The following CUX2 variants were observed in gnomAD, a reference collection of about 807,000 sequenced individuals.
CUX2 encodes the protein homeobox protein cut-like 2.
CUX2 carries 40 observed loss-of-function variants against 144.8 expected under a neutral mutation model. That is an observed-to-expected ratio of 0.28 (90% CI 0.21 to 0.36). CUX2 has a LOEUF of 0.36. CUX2 is among the 10% of genes least tolerant of loss of function. The probability of loss-of-function intolerance (pLI) is 1.00; values close to 1 mark genes in which losing one functional copy is unlikely to be tolerated. For missense variants in CUX2, 1,615 were observed against 1,994.0 expected (o/e 0.81, Z 3.62); for synonymous variants, 827 against 875.6 (o/e 0.94, Z 0.98).
At chr12:111,051,649 C>T (rs1870272185) in intron 1 of CUX2, among the ~76,000 whole-genome samples, 1 of 152,158 alleles carries the variant, frequency 6.6e-6, no homozygotes, top group African/African-American at 2.4e-5. Context: ...CTCCTATAGA[C>T]AACATATAGT....
At chr12:111,271,341 AT>A in intron 4 of CUX2, among the ~76,000 whole-genome samples, 1 of 152,302 alleles carries the variant, frequency 6.6e-6, no homozygotes, top group East Asian at 1.9e-4. Context: ...CTTTTCCGTG[AT>A]TTTTCCCTGT....
chr12:111,224,293 G>A (rs1416747929), intron 3 of CUX2, among the ~76,000 whole-genome samples: 3 of 151,972 alleles, frequency 2.0e-5, no homozygotes, highest in African/African-American at 7.3e-5. Context: ...GACCTTTCTA[G>A]TGGGTCACTT....
At chr12:111,147,028 G>A (rs899003492) in intron 1 of CUX2, among the ~76,000 whole-genome samples, 6 of 152,126 alleles carry the variant, frequency 3.9e-5, no homozygotes, top group African/African-American at 9.7e-5. Flanking sequence ...CCAGATAATC[G>A]GGAGGCTGAG....
At chr12:111,082,254 AG>A (rs1871935602) in intron 1 of CUX2, among the ~76,000 whole-genome samples, 1 of 152,192 alleles carries the variant, frequency 6.6e-6, no homozygotes, top group African/African-American at 2.4e-5. Context: ...TTCTTCATCC[AG>A]CAGAGATGAG....
intron 1 of CUX2, among the ~76,000 whole-genome samples, chr12:111,151,649 C>T (rs1022926825): frequency 3.3e-5 from 5 of 152,104 alleles, no homozygotes; most frequent in South Asian, 2.1e-4. Context: ...GACTTAGGGG[C>T]GGTGGACTGT....
chr12:111,332,920 A>C (rs909537864), intron 18 of CUX2, among the ~76,000 whole-genome samples: 1 of 152,172 alleles, frequency 6.6e-6, no homozygotes. Context: ...ACAATATATA[A>C]ATCTTGGCCA....
chr12:111,323,011 G>C (rs942912515), intron 18 of CUX2, among the ~76,000 whole-genome samples: 13 of 152,222 alleles, frequency 8.5e-5, no homozygotes, highest in Non-Finnish European at 1.5e-4. Flanking sequence ...GCCCATGATA[G>C]CACGAGCAGG....
At chr12:111,131,188 T>C (rs1394921118) in intron 1 of CUX2, among the ~76,000 whole-genome samples, 1 of 152,122 alleles carries the variant, frequency 6.6e-6, no homozygotes, top group East Asian at 1.9e-4. Context: ...AGGCACTTCT[T>C]ACATGGTGGT....
chr12:111,308,616 C>G, intron 14 of CUX2, 90 bp downstream of exon 14: 2 of 1,095,842 alleles, frequency 1.8e-6, no homozygotes, highest in Non-Finnish European at 2.7e-6. Flanking sequence ...CCACTGCCTT[C>G]CATGCAGGCA....
chr12:111,319,864 A>C, intron 16 of CUX2, 148 bp from the exon 17 acceptor site: 1 of 1,228,840 alleles, frequency 8.1e-7, no homozygotes, highest in Non-Finnish European at 1.1e-6. Context: ...ACAGGGAGGG[A>C]TCATAATTTA....
rs1418450015 is a variant in CUX2, at chr12:111,057,647, C to A, written c.63+23407C>A. 6.6e-6 allele frequency among the ~76,000 whole-genome samples: 1 copy of A among 152,228 alleles called. No homozygotes were observed. Among genetic ancestry groups the A allele is most frequent in the African/African-American group, 2.4e-5 (1 of 41,456 alleles). On this transcript the variant is annotated intron_variant, in intron 1 of 21. Transcript: ENST00000261726. This position sits in a 1 kb window ranked among gnomAD's most constrained non-coding sequence, Gnocchi z 5.1. ...TCCCCACTTCTGCCAGCAGCCTCCC[C>A]TTCTGCCAGAAAGAGTGACTCCCAC... is the stretch of plus-strand genomic sequence containing the variant.
At chr12:111,135,377 A>G (rs1367829949) in intron 1 of CUX2, among the ~76,000 whole-genome samples, 1 of 152,202 alleles carries the variant, frequency 6.6e-6, no homozygotes, top group South Asian at 2.1e-4. Flanking sequence ...TGAACCACCA[A>G]TGCAAAATGC....
intron 1 of CUX2, among the ~76,000 whole-genome samples, chr12:111,202,116 C>A (rs907064932): frequency 3.3e-5 from 5 of 152,222 alleles, no homozygotes; most frequent in African/African-American, 4.8e-5. Flanking sequence ...AGTAAACATT[C>A]ATTGACGAAT....
chr12:111,270,719 G>T (rs1481062134), intron 4 of CUX2: 1 of 151,998 alleles, frequency 6.6e-6, no homozygotes, highest in Non-Finnish European at 1.5e-5. Flanking sequence ...TAAGAGACAG[G>T]TGAGTGCCCC....
rs1236266912 is a variant in CUX2 at position 111,347,959 on chromosome 12, G to A, written c.4095G>A (p.Gln1365=). The A allele has an allele frequency of 6.2e-7, 1 of 1,613,992 alleles. No individual in the cohort carries two copies. The highest frequency in any genetic ancestry group is 2.2e-5 in the East Asian group (1 of 44,892). Residue 1365 remains glutamine, a synonymous_variant, in exon 22 of 22, where the codon CAG becomes CAA. Coordinates refer to ENST00000261726, the MANE Select transcript of CUX2 (RefSeq NM_015267.4). ...TPDCPSLHPQ[Q]ESEAGERLHP... ...ACTGTCCCTCACTTCATCCCCAACA[G>A]GAGAGTGAGGCCGGGGAGCGACTTC...
Position 111,307,330 on chromosome 12 carries a change from A to G in CUX2, c.1109+73A>G. On this transcript the variant is annotated intron_variant, in intron 12 of 21. Coordinates refer to ENST00000261726, the MANE Select transcript of CUX2 (RefSeq NM_015267.4). This position sits in a 1 kb window ranked among gnomAD's most constrained non-coding sequence, Gnocchi z 4.1. ...CCAGGAGCTCTTGGCAAAGTTCATC[A>G]TCTTCCTCCCTCCTACTAAACCCCA... 2 of 1,357,888 alleles carry G rather than the reference A, an allele frequency of 1.5e-6. No individual in the cohort carries two copies. Among genetic ancestry groups the G allele is most frequent in the East Asian group, 4.6e-5 (2 of 43,476 alleles). The allele number at this position is 1,357,888 out of a possible 1,614,324, so 84.1% of individuals were successfully genotyped here.
chr12:111,182,168 T>TGTTCC (rs1245579419), intron 1 of CUX2, among the ~76,000 whole-genome samples: 1 of 152,216 alleles, frequency 6.6e-6, no homozygotes, highest in African/African-American at 2.4e-5. Context: ...GTTTAATCTG[T>TGTTCC]GTTCCGTTCC....
At chr12:111,153,983 TC>T (rs969661864) in intron 1 of CUX2, among the ~76,000 whole-genome samples, 1 of 151,888 alleles carries the variant, frequency 6.6e-6, no homozygotes, top group African/African-American at 2.4e-5. Context: ...GGCCCCAAGT[TC>T]CCCCTTTTTA....
intron 1 of CUX2, among the ~76,000 whole-genome samples, chr12:111,170,565 T>G (rs1878458284): frequency 7.1e-6 from 1 of 140,982 alleles, no homozygotes; most frequent in South Asian, 2.4e-4. Flanking sequence ...TTTTTTTTTT[T>G]TTTTTTGAGA....
Sources: allele counts gnomAD v4.1 joint callset (sites outside exome capture counted in the v4.1 genomes callset), GRCh38; gene constraint gnomAD v4.1.1; non-coding constraint Gnocchi (gnomAD v3.1); transcripts MANE v1.5; gene names NCBI Gene and HGNC (gene_info 2026-07-23, HGNC 2026-07-21).